Variants in KAT6A observed in about 807,000 individuals in gnomAD.
KAT6A encodes the protein lysine acetyltransferase 6A.
KAT6A carries 9 observed loss-of-function variants against 198.4 expected under a neutral mutation model. The ratio of observed to expected loss-of-function variants is 0.05; its 90% CI spans 0.03 to 0.08. The LOEUF is 0.08. Ranked by LOEUF, KAT6A falls within the 10% of genes least tolerant of loss-of-function variation. The pLI is 1.00. For missense variants in KAT6A, 2,077 were observed against 2,509.9 expected, an observed-to-expected ratio of 0.83 and a Z score of 3.69; for synonymous variants, 890 against 883.0, an observed-to-expected ratio of 1.01 and a Z score of -0.14.
rs774642336 is a variant in KAT6A at position 41,937,446 on chromosome 8, G to A, written c.3162C>T (p.Ser1054=). The A allele has an allele frequency of 8.1e-6, 13 of 1,613,944 alleles. No homozygotes were observed. The highest frequency in any genetic ancestry group is 3.3e-5 in the South Asian group (3 of 91,078). The change falls in exon 16 of 17, where the codon TCC becomes TCT. Residue 1054 remains serine (S), a synonymous_variant. Transcript: ENST00000265713. ...VLDEPFEDSD[S]ERPMPRLEPT... is the part of the protein sequence containing the mutation. ...GTTCTAATCTTGGCATTGGCCTCTCGGAGTCAGAATCTTCAAAAGGTTCAT... is the reference window on the plus strand; with the variant it reads ...GTTCTAATCTTGGCATTGGCCTCTCAGAGTCAGAATCTTCAAAAGGTTCAT...
rs772145793 is a variant in KAT6A, at chr8:41,940,983, A to C, written c.2898T>G (p.Ser966Arg). The stretch of plus-strand genomic sequence containing the variant: ...CACTGTAGCGACGGGGCAGCCTCTC[A>C]CTTCCTTCTGTTAATCTGCACTTCA... Reference protein sequence around the residue: ...EALKCRLTEGSERLPRRYSEG... With the variant: ...EALKCRLTEGRERLPRRYSEG... Residue 966 changes from serine (S) to arginine (R), a missense_variant, in exon 15 of 17, where the codon AGT becomes AGG. By Grantham distance (110) the Ser-to-Arg change is moderately radical. Coordinates refer to ENST00000265713, the MANE Select transcript of KAT6A (RefSeq NM_006766.5). The C allele has an allele frequency of 1.9e-5, 30 of 1,614,054 alleles. No individual in the cohort carries two copies. Among genetic ancestry groups the C allele is most frequent in the Non-Finnish European group, 2.5e-5 (30 of 1,179,990 alleles).
At chr8:41,997,399 T>C (rs1384128532) in intron 2 of KAT6A, among the ~76,000 whole-genome samples, 1 of 152,126 alleles carries the variant, frequency 6.6e-6, no homozygotes, top group East Asian at 1.9e-4. Context: ...AGAAATATAA[T>C]TGTAGCCCAT....
intron 2 of KAT6A, among the ~76,000 whole-genome samples, chr8:41,999,195 C>T (rs183146806): frequency 4.1e-4 from 62 of 152,178 alleles, no homozygotes; most frequent in Admixed American, 1.7e-3. Flanking sequence ...GAAGTGACAT[C>T]AAAAATGACA....
chr8:41,938,108 AT>A (rs1821939726), intron 15 of KAT6A, among the ~76,000 whole-genome samples: 1 of 152,252 alleles, frequency 6.6e-6, no homozygotes, highest in Non-Finnish European at 1.5e-5. Flanking sequence ...TGTTACTGAA[AT>A]TTGGGCACAC....
chr8:41,944,454 T>C (rs931098009), intron 12 of KAT6A, among the ~76,000 whole-genome samples: 4 of 152,222 alleles, frequency 2.6e-5, no homozygotes, highest in African/African-American at 9.6e-5. Context: ...CACAATTACC[T>C]ATCATTCTAA....
Position 41,978,738 on chromosome 8 carries a change from C to T in KAT6A, c.947G>A (p.Gly316Glu), listed in dbSNP as rs1564036355. The change falls in exon 6 of 17, where the codon GGA becomes GAA. Residue 316 changes from glycine to glutamate, a missense_variant. Physicochemically the swap from Gly to Glu is moderately conservative, Grantham distance 98 (BLOSUM62 -2). Transcript: ENST00000265713. ...TGCCTTCTTTTGTAGAAGTTTTCGT[C>T]CTTTTTTCCTAGGTCGACATATTTG... ...ICQICRPRKKGRKLLQKKAAQ... is the reference protein window; with the variant it reads ...ICQICRPRKKERKLLQKKAAQ... 6.2e-7 allele frequency: 1 copy of T among 1,613,770 alleles called. No individual in the cohort carries two copies. The highest frequency in any genetic ancestry group is 8.5e-7 in the Non-Finnish European group (1 of 1,179,904).
chr8:42,017,544 T>C (rs1403284563), intron 2 of KAT6A, among the ~76,000 whole-genome samples: 1 of 152,114 alleles, frequency 6.6e-6, no homozygotes, highest in African/African-American at 2.4e-5. Context: ...TGTTTTTGTT[T>C]GTTGGGGTGG....
chr8:41,987,851 C>A (rs865936676), intron 2 of KAT6A, among the ~76,000 whole-genome samples: 10 of 152,080 alleles, frequency 6.6e-5, no homozygotes, highest in African/African-American at 2.4e-4. Context: ...AAAAGCAAAC[C>A]CTTAAGATTG....
In KAT6A at chr8:42,048,436, C is replaced by T. The variant is rs140344063; in HGVS notation, c.542G>A (p.Ser181Asn). 1.6e-5 allele frequency: 25 copies of T among 1,612,842 alleles called. No individual in the cohort carries two copies. Among genetic ancestry groups the T allele is most frequent in the Non-Finnish European group, 2.0e-5 (23 of 1,178,930 alleles). ...TKATNVDGKESCESLSCLPPV... is the reference protein window; with the variant it reads ...TKATNVDGKENCESLSCLPPV... ...AGGTAAACAGGAAAGAGACTCACAACTCTCTTTCCCATCCACGTTGGTTGC... is the reference window on the plus strand; with the variant it reads ...AGGTAAACAGGAAAGAGACTCACAATTCTCTTTCCCATCCACGTTGGTTGC... Residue 181 changes from serine (S) to asparagine (N), a missense_variant, in exon 2 of 17, where the codon AGT (serine) becomes AAT (asparagine). Around this residue, in one of 13 missense-constraint regions of KAT6A, gnomAD observed 185 missense variants for 185.7 expected, o/e 1.00. Transcript: ENST00000265713.
chr8:41,967,542 C>G (rs1823571506), intron 8 of KAT6A, among the ~76,000 whole-genome samples: 1 of 148,620 alleles, frequency 6.7e-6, no homozygotes, highest in Non-Finnish European at 1.5e-5. Flanking sequence ...TGAGAATATG[C>G]AGTGTTTGGT....
chr8:42,006,167 T>TAGGGACC (rs1825735015), intron 2 of KAT6A, among the ~76,000 whole-genome samples: 1 of 152,188 alleles, frequency 6.6e-6, no homozygotes, highest in Non-Finnish European at 1.5e-5. Flanking sequence ...AGAAACAGTT[T>TAGGGACC]AGGGACCCTA....
chr8:41,980,999 A>G, intron 4 of KAT6A, 72 bp from the exon 5 acceptor site: 1 of 1,020,940 alleles, frequency 9.8e-7, no homozygotes, highest in African/African-American at 1.6e-5. Context: ...ATGACTGCAT[A>G]AAACCTAGAA....
chr8:42,048,936 C>T lies in KAT6A; in HGVS notation c.42G>A (p.Leu14=). Reference sequence around the variant, plus strand: ...GCTTTTTCACTTTTTTGATGGCCTCCAAAATCCACTCAGTATAAAGCGGGT... The same window carrying T: ...GCTTTTTCACTTTTTTGATGGCCTCTAAAATCCACTCAGTATAAAGCGGGT... ...LANPLYTEWI[L]EAIKKVKKQK... Residue 14 remains leucine (L), a synonymous_variant, in exon 2 of 17, where the codon TTG becomes TTA. Transcript: ENST00000265713. The T allele has an allele frequency of 6.2e-7, 1 of 1,613,960 alleles. No homozygotes were observed. Among genetic ancestry groups the T allele is most frequent in the East Asian group, 2.2e-5 (1 of 44,880 alleles).
intron 2 of KAT6A, among the ~76,000 whole-genome samples, chr8:42,018,862 A>T (rs1826392319): frequency 1.3e-5 from 2 of 152,218 alleles, no homozygotes; most frequent in South Asian, 4.1e-4. Flanking sequence ...CAGAGGTTGC[A>T]GTGAGCCAAG....
At chr8:42,041,439 AGAAAT>A (rs2150928026) in intron 2 of KAT6A, among the ~76,000 whole-genome samples, 1 of 152,304 alleles carries the variant, frequency 6.6e-6, no homozygotes, top group South Asian at 2.1e-4. Flanking sequence ...CAATGATGTC[AGAAAT>A]GTACGGCATG....
At chr8:42,022,310 T>C (rs1826582248) in intron 2 of KAT6A, among the ~76,000 whole-genome samples, 1 of 152,006 alleles carries the variant, frequency 6.6e-6, no homozygotes, top group South Asian at 2.1e-4. Context: ...CAGAAATTTA[T>C]CAGGTCACTG....
Position 41,947,802 on chromosome 8 carries a change from T to C in KAT6A, c.1851A>G (p.Val617=). ...YYDVEPFLFY[V]LTQNDVKGCH... The stretch of plus-strand genomic sequence containing the variant: ...AGCCCTTGACATCATTCTGTGTTAG[T>C]ACATAAAAAAGAAATGGCTCCACAT... Residue 617 remains valine (V), a synonymous_variant, in exon 11 of 17, where the codon GTA becomes GTG. Coordinates refer to ENST00000265713, the MANE Select transcript of KAT6A (RefSeq NM_006766.5). 2 of 1,609,126 alleles carry C rather than the reference T, an allele frequency of 1.2e-6. No individual in the cohort carries two copies. Among genetic ancestry groups the C allele is most frequent in the Non-Finnish European group, 1.7e-6 (2 of 1,178,742 alleles).
chr8:42,044,640 G>A (rs1161932336), intron 2 of KAT6A, among the ~76,000 whole-genome samples: 2 of 152,066 alleles, frequency 1.3e-5, no homozygotes, highest in Non-Finnish European at 2.9e-5. Flanking sequence ...AAGTAAAGAG[G>A]AACTTGCTCG....
chr8:41,941,530 A>G, intron 14 of KAT6A, 86 bp from the exon 15 acceptor site: 2 of 1,374,488 alleles, frequency 1.5e-6, no homozygotes, highest in Non-Finnish European at 2.0e-6. Context: ...AAGTATTGAG[A>G]GAAGAAAAGG....
Sources: gnomAD v4.1 joint callset for allele counts (sites outside exome capture counted in the v4.1 genomes callset) on GRCh38, gnomAD v4.1.1 for gene constraint, gnomAD v4.1.1 regional missense constraint, MANE v1.5 for transcripts, NCBI Gene and HGNC (gene_info 2026-07-23, HGNC 2026-07-21) for gene names.